Variants in CCBE1 observed in about 807,000 individuals in gnomAD.
CCBE1 encodes collagen and calcium-binding EGF domain-containing protein 1.
Under a neutral mutation model 50.0 loss-of-function variants are expected in CCBE1, and 37 were observed. That is an observed-to-expected ratio of 0.74 (90% confidence interval 0.57 to 0.97). The LOEUF is 0.97. Among genes scored for constraint, CCBE1 ranks in the 50% least tolerant of loss-of-function variants. The pLI is 0.00. For synonymous variants in CCBE1, 234 were observed against 203.7 expected, an observed-to-expected ratio of 1.15 and a Z score of -1.27; for missense variants, 538 against 523.8, an observed-to-expected ratio of 1.03 and a Z score of -0.26.
chr18:59,575,468 A>G (rs936618248), intron 2 of CCBE1, among the ~76,000 whole-genome samples: 2 of 152,218 alleles, frequency 1.3e-5, no homozygotes, highest in African/African-American at 2.4e-5. Flanking sequence ...ATATTTTAAT[A>G]AAAGCATCCT....
intron 2 of CCBE1, among the ~76,000 whole-genome samples, chr18:59,667,100 C>A (rs1400948305): frequency 2.0e-5 from 3 of 151,926 alleles, no homozygotes; most frequent in African/African-American, 7.3e-5. Context: ...ATAGTGAAAC[C>A]CTGTCCCGAC....
chr18:59,696,814 C>T (rs1010005987), intron 1 of CCBE1, 105 bp from the exon 2 acceptor site: 1 of 1,265,908 alleles, frequency 7.9e-7, no homozygotes, highest in Non-Finnish European at 1.1e-6. Context: ...GGCTCCCCGT[C>T]CCGGCGCTCT....
chr18:59,667,112 A>G (rs1402318795), intron 2 of CCBE1, among the ~76,000 whole-genome samples: 2 of 150,246 alleles, frequency 1.3e-5, no homozygotes, highest in Non-Finnish European at 3.0e-5. Flanking sequence ...TGTCCCGACA[A>G]AAAAAAAATA....
intron 2 of CCBE1, among the ~76,000 whole-genome samples, chr18:59,592,160 G>T (rs2053279910): frequency 6.6e-6 from 1 of 152,102 alleles, no homozygotes; most frequent in African/African-American, 2.4e-5. Flanking sequence ...TGAGTTCAAG[G>T]CTACAGTGAG....
At chr18:59,581,599 C>G (rs1279502634) in intron 2 of CCBE1, among the ~76,000 whole-genome samples, 2 of 152,166 alleles carry the variant, frequency 1.3e-5, no homozygotes, top group African/African-American at 2.4e-5. Flanking sequence ...TGGTTCCTAA[C>G]ATTTTCAGTA....
At chr18:59,474,397 A>G (rs1329673892) in intron 3 of CCBE1, among the ~76,000 whole-genome samples, 2 of 152,196 alleles carry the variant, frequency 1.3e-5, no homozygotes, top group Non-Finnish European at 2.9e-5. Context: ...TATCACTGTA[A>G]GTGATTTGGC....
At chr18:59,494,103 G>A (rs1481463128) in intron 2 of CCBE1, among the ~76,000 whole-genome samples, 1 of 152,122 alleles carries the variant, frequency 6.6e-6, no homozygotes, top group Non-Finnish European at 1.5e-5. Context: ...ACCTGGCTAG[G>A]GACACACAAG....
intron 2 of CCBE1, chr18:59,568,433 A>C (rs2144477131): frequency 6.6e-6 from 1 of 152,336 alleles, no homozygotes; most frequent in East Asian, 1.9e-4. Flanking sequence ...GTATTGGTGA[A>C]CAGACTTCTG....
intron 2 of CCBE1, among the ~76,000 whole-genome samples, chr18:59,666,646 T>C (rs1168845570): frequency 6.6e-6 from 1 of 151,948 alleles, no homozygotes; most frequent in Admixed American, 6.6e-5. Context: ...GGAACAACAT[T>C]GTGAATGTAT....
intron 6 of CCBE1, among the ~76,000 whole-genome samples, chr18:59,451,199 C>T (rs1910913626): frequency 6.6e-6 from 1 of 152,126 alleles, no homozygotes; most frequent in African/African-American, 2.4e-5. Flanking sequence ...TGATTATCCA[C>T]ACTTCCCTCA....
At chr18:59,455,066 G>A (rs752215527) in intron 5 of CCBE1, 115 bp from the exon 6 acceptor site, 6 of 804,062 alleles carry the variant, frequency 7.5e-6, no homozygotes, top group African/African-American at 5.0e-5. Flanking sequence ...CGGGACATGC[G>A]AGGGCTCAAC....
At chr18:59,475,958 A>T (rs1233559945) in intron 3 of CCBE1, among the ~76,000 whole-genome samples, 3 of 152,184 alleles carry the variant, frequency 2.0e-5, no homozygotes, top group Non-Finnish European at 4.4e-5. Context: ...ACCTCAGGTG[A>T]TCCGCCCGCC....
chr18:59,574,583 T>C (rs1009507186), intron 2 of CCBE1, among the ~76,000 whole-genome samples: 1 of 152,256 alleles, frequency 6.6e-6, no homozygotes, highest in African/African-American at 2.4e-5. Context: ...AAAATATAAC[T>C]TTAAACTTCT....
chr18:59,485,064 G>C (rs181695462), intron 2 of CCBE1, among the ~76,000 whole-genome samples: 1 of 152,180 alleles, frequency 6.6e-6, no homozygotes, highest in African/African-American at 2.4e-5. Context: ...GGGAAAGCTC[G>C]TGTGGATTCT....
intron 2 of CCBE1, among the ~76,000 whole-genome samples, chr18:59,694,744 T>C (rs1322794532): frequency 6.6e-6 from 1 of 152,222 alleles, no homozygotes; most frequent in Non-Finnish European, 1.5e-5. Flanking sequence ...GAGTAGATTA[T>C]AGAAACAGGA....
At chr18:59,521,907 T>A (rs1914616191) in intron 2 of CCBE1, among the ~76,000 whole-genome samples, 1 of 152,240 alleles carries the variant, frequency 6.6e-6, no homozygotes, top group African/African-American at 2.4e-5. Flanking sequence ...CATGAATAAA[T>A]GACACACATT....
chr18:59,595,673 A>G (rs1599046066), intron 2 of CCBE1, among the ~76,000 whole-genome samples: 2 of 152,378 alleles, frequency 1.3e-5, no homozygotes, highest in South Asian at 4.1e-4. Flanking sequence ...TAACTTTAAA[A>G]GGTAAACATG....
chr18:59,522,458 A>G lies in CCBE1; in HGVS notation c.213-42220T>C, dbSNP rs1234141804. On this transcript the variant is annotated intron_variant, in intron 2 of 10. Transcript: ENST00000439986. ...GTCAGCTATAGACACATTTAAGAAAAGTTAATAAAAACAAGTAAGATAATC... is the reference window on the plus strand; with the variant it reads ...GTCAGCTATAGACACATTTAAGAAAGGTTAATAAAAACAAGTAAGATAATC... Among the ~76,000 whole-genome samples the G allele has an allele frequency of 2.0e-5, 3 of 152,376 alleles. No individual in the cohort carries two copies. In the East Asian group the frequency reaches 5.8e-4, roughly 29 times the overall value.
intron 2 of CCBE1, among the ~76,000 whole-genome samples, chr18:59,664,694 C>A (rs2054329219): frequency 6.6e-6 from 1 of 152,168 alleles, no homozygotes; most frequent in Non-Finnish European, 1.5e-5. Context: ...AGATGACTTT[C>A]AGCAACATGA....
Sources: allele counts gnomAD v4.1 joint callset (sites outside exome capture counted in the v4.1 genomes callset), GRCh38; gene constraint gnomAD v4.1.1; transcripts MANE v1.5; gene names NCBI Gene and HGNC (gene_info 2026-07-23, HGNC 2026-07-21).